The following ZNF836 variants were observed in gnomAD, a reference collection of about 807,000 sequenced individuals.
ZNF836 encodes the protein zinc finger protein 836.
ZNF836 carries 12 observed loss-of-function variants against 7.4 expected under a neutral mutation model. That is an observed-to-expected ratio of 1.61 (90% CI 1.03 to 2.61). The LOEUF is 2.61. Ranked by LOEUF, ZNF836 falls within the 30% of genes most tolerant of loss-of-function variation. The pLI is 0.00. For missense variants in ZNF836, 998 were observed against 1,126.2 expected (o/e 0.89, Z 1.63); for synonymous variants, 365 against 382.6 (o/e 0.95, Z 0.54).
rs953704319 is a variant in ZNF836, at chr19:52,161,653, A to G, written c.16-1062T>C. 1.7e-5 allele frequency among the ~76,000 whole-genome samples: 1 copy of G among 59,128 alleles called. No individual in the cohort carries two copies. Among genetic ancestry groups the G allele is most frequent in the Non-Finnish European group, 2.7e-5 (1 of 36,676 alleles). The allele number at this position is 59,128 out of a possible 152,430, so 38.8% of individuals were successfully genotyped here. A position where few individuals can be genotyped will look rare whatever the true frequency, so the allele number is the denominator to read the frequency against. On this transcript the variant is annotated intron_variant, in intron 3 of 4. Coordinates refer to ENST00000682614, the MANE Select transcript of ZNF836 (RefSeq NM_001102657.3). This position sits in a 1 kb window ranked among gnomAD's most constrained non-coding sequence, Gnocchi z 4.1. ...AGTTTCAACATGAATTGTGGAGGAG[A>G]AAAAAAAAAAAAACTCAGACTGTAA... is the stretch of plus-strand genomic sequence containing the variant.
Position 52,158,520 on chromosome 19 carries a change from G to A in ZNF836, c.143-980C>T, listed in dbSNP as rs567873388. Among the ~76,000 whole-genome samples the A allele has an allele frequency of 4.6e-5, 7 of 152,158 alleles. No homozygotes were observed. The South Asian group carries it at 1.5e-3, about 32-fold the overall frequency. On this transcript the variant is annotated intron_variant, in intron 4 of 4. Transcript: ENST00000682614. ...AGCACTTTGGGAGGCTGAGGTGGGT[G>A]GATCATGAGGTCAGGAGTTCGAGAC...
chr19:52,157,893 G>C (rs1295252952), intron 4 of ZNF836, among the ~76,000 whole-genome samples: 1 of 151,756 alleles, frequency 6.6e-6, no homozygotes, highest in Non-Finnish European at 1.5e-5. Flanking sequence ...AAAATAACTA[G>C]TATTATTTGT....
At chr19:52,170,082 A>G (rs1600145850) in intron 1 of ZNF836, among the ~76,000 whole-genome samples, 1 of 152,158 alleles carries the variant, frequency 6.6e-6, no homozygotes, top group African/African-American at 2.4e-5. Context: ...GAATATTACA[A>G]CCACCATCCA....
chr19:52,169,901 A>T (rs1284666735), intron 1 of ZNF836, 120 bp from the exon 2 acceptor site: 2 of 152,208 alleles, frequency 1.3e-5, no homozygotes, highest in Non-Finnish European at 2.9e-5. Flanking sequence ...GAAAAGAGTT[A>T]CCACGAATGA....
chr19:52,157,641 G>A, intron 4 of ZNF836, 101 bp from the exon 5 acceptor site: 2 of 1,159,574 alleles, frequency 1.7e-6, no homozygotes, highest in East Asian at 5.7e-5. Flanking sequence ...CACAATCTCA[G>A]CTCACTGTGA....
In ZNF836 at chr19:52,156,082, A is replaced by C. The variant is rs779991027; in HGVS notation, c.1601T>G (p.Val534Gly). The change falls in exon 5 of 5, where the codon GTC becomes GGC. Residue 534 changes from valine (V) to glycine (G), a missense_variant. Transcript: ENST00000682614. ...KRYQCGECGK[V>G]FSENSCLVRH... is the part of the protein sequence containing the mutation. ...TACAAGGCATGAATTTTCACTAAAG[A>C]CCTTTCCACATTCACCGCATTGGTA... The C allele has an allele frequency of 1.9e-6, 3 of 1,614,000 alleles. No individual in the cohort carries two copies. Among genetic ancestry groups the C allele is most frequent in the East Asian group, 4.5e-5 (2 of 44,876 alleles).
At position 52,157,551 on chromosome 19, in the gene ZNF836, T is replaced by G. The variant is rs189622832; in HGVS notation, c.143-11A>C. On this transcript the variant is annotated splice_polypyrimidine_tract_variant and intron_variant, in intron 4 of 4. Transcript: ENST00000682614. ...ATTTAGGAAGGATACCTACAAAATA[T>G]AATGAACATGGGAGTTTTTTCGTTG... 125 of 1,478,912 alleles carry G rather than the reference T, an allele frequency of 8.5e-5. No homozygotes were observed. The highest frequency in any genetic ancestry group is 1.5e-4 in the Admixed American group (5 of 34,116). The allele number at this position is 1,478,912 out of a possible 1,614,324, so 91.6% of individuals were successfully genotyped here.
intron 3 of ZNF836, among the ~76,000 whole-genome samples, chr19:52,166,612 C>A (rs1600143808): frequency 7.2e-6 from 1 of 139,314 alleles, no homozygotes. Flanking sequence ...CTCGCTCTGT[C>A]GCCCAGGCTG....
rs954985501 is a variant in ZNF836, at chr19:52,168,100, C to A, written c.-28G>T. On this transcript the variant is annotated 5_prime_UTR_variant, in exon 3 of 5. Coordinates refer to ENST00000682614, the MANE Select transcript of ZNF836 (RefSeq NM_001102657.3). ...CTGACTCCTTTTCTTTCCTCTTCTT[C>A]CTCTTCTGGGCTTCTCTCTCAGTCA... The A allele has an allele frequency of 6.2e-7, 1 of 1,611,526 alleles. No homozygotes were observed. The highest frequency in any genetic ancestry group is 1.1e-5 in the South Asian group (1 of 90,818).
rs1348476360 is a variant in ZNF836, at chr19:52,154,687, A to G, written c.*185T>C. On this transcript the variant is annotated 3_prime_UTR_variant, in exon 5 of 5. Transcript: ENST00000682614. ...AAAGCAAAACAAACAAAAAAACAAG[A>G]TCTCACCAGAACTCACTATCCCAAG... is the stretch of plus-strand genomic sequence containing the variant. 1 of 484,542 alleles carries G rather than the reference A, an allele frequency of 2.1e-6. No individual in the cohort carries two copies. Among genetic ancestry groups the G allele is most frequent in the Non-Finnish European group, 3.5e-6 (1 of 287,004 alleles). 30.0% of individuals were successfully genotyped at this position (484,542 alleles called of 1,614,324 possible). A position where few individuals can be genotyped will look rare whatever the true frequency, so the allele number is the denominator to read the frequency against.
chr19:52,164,050 AG>A (rs148095264), intron 3 of ZNF836, among the ~76,000 whole-genome samples: 2,277 of 135,806 alleles, frequency 0.017, 56 homozygotes, highest in African/African-American at 0.055. Context: ...GAAGGAAGGG[AG>A]GGAGGGAGGG....
rs1481906917 is a variant in ZNF836 at position 52,157,356 on chromosome 19, A to T, written c.327T>A (p.Tyr109Ter). 1.2e-6 allele frequency: 2 copies of T among 1,607,372 alleles called. No homozygotes were observed. Among genetic ancestry groups the T allele is most frequent in the East Asian group, 2.2e-5 (1 of 44,856 alleles). Residue 109 changes from tyrosine (Y) to a stop codon, truncating the protein, a stop_gained, in exon 5 of 5, where the codon TAT becomes TAA. Transcript: ENST00000682614. LOFTEE classifies it low-confidence loss of function (END_TRUNC). ...TTTTATAGGTCATTGGCACTTCTTT[A>T]TAATTTATTTCACCATCTTTCCATT... ...EFQWKDGEINYKEVPMTYKNN... is the reference protein window; with the variant it reads ...EFQWKDGEIN
At position 52,155,283 on chromosome 19, in the gene ZNF836, A is replaced by G; in HGVS notation, c.2400T>C (p.His800=). Residue 800 remains histidine (H), a synonymous_variant, in exon 5 of 5, where the codon CAT becomes CAC. Coordinates refer to ENST00000682614, the MANE Select transcript of ZNF836 (RefSeq NM_001102657.3). ...QSTLARHRSI[H]TGEKPYVCNE... Reference sequence around the variant, plus strand: ...TACACACGTAAGGTTTCTCTCCAGTATGAATACTCCGATGACGTGCTAGTG... The same window carrying G: ...TACACACGTAAGGTTTCTCTCCAGTGTGAATACTCCGATGACGTGCTAGTG... 1.2e-6 allele frequency: 2 copies of G among 1,613,874 alleles called. No homozygotes were observed. The highest frequency in any genetic ancestry group is 1.1e-5 in the South Asian group (1 of 91,072).
chr19:52,155,591 C>G lies in ZNF836; in HGVS notation c.2092G>C (p.Glu698Gln), dbSNP rs1318972498. ...HTGEKPYNCN[E>Q]FGGAFIQSSK... Reference sequence around the variant, plus strand: ...CTTTGGATAAATGCCCCTCCAAACTCATTACAATTGTAAGGTTTCTCTCCA... The same window carrying G: ...CTTTGGATAAATGCCCCTCCAAACTGATTACAATTGTAAGGTTTCTCTCCA... The change falls in exon 5 of 5, where the codon GAG becomes CAG. Residue 698 changes from glutamate to glutamine, a missense_variant. Coordinates refer to ENST00000682614, the MANE Select transcript of ZNF836 (RefSeq NM_001102657.3). The G allele has an allele frequency of 6.2e-7, 1 of 1,614,010 alleles. No individual in the cohort carries two copies. Among genetic ancestry groups the G allele is most frequent in the Non-Finnish European group, 8.5e-7 (1 of 1,179,898 alleles).
rs756158852 is a variant in ZNF836, at chr19:52,155,760, G to A, written c.1923C>T (p.Asn641=). The change falls in exon 5 of 5, where the codon AAC becomes AAT. Residue 641 remains asparagine (N), a synonymous_variant. Transcript: ENST00000682614. ...IHTGEKPFQC[N]ECGKVFSYYS... is the part of the protein sequence containing the mutation. ...AGTAACTGAAAACCTTGCCGCATTCGTTACATTGAAACGGCTTCTCTCCAG... is the reference window on the plus strand; with the variant it reads ...AGTAACTGAAAACCTTGCCGCATTCATTACATTGAAACGGCTTCTCTCCAG... The A allele has an allele frequency of 5.5e-5, 88 of 1,613,620 alleles. No homozygotes were observed. Among genetic ancestry groups the A allele is most frequent in the Non-Finnish European group, 6.4e-5 (76 of 1,179,896 alleles).
At position 52,160,700 on chromosome 19, in the gene ZNF836, ATC is replaced by A. The variant is rs1275128674; in HGVS notation, c.16-111_16-110del. On this transcript the variant is annotated intron_variant, in intron 3 of 4. Coordinates refer to ENST00000682614, the MANE Select transcript of ZNF836 (RefSeq NM_001102657.3). ...TCAATTTGATTGTGTGTTTTCACAT[ATC>A]CATGCAAGGCATCTGTGAGAAGGTT... 4 of 1,376,752 alleles carry A rather than the reference ATC, an allele frequency of 2.9e-6. No individual in the cohort carries two copies. In the African/African-American group the frequency reaches 5.9e-5, roughly 20 times the overall value. 85.3% of individuals were successfully genotyped at this position (1,376,752 alleles called of 1,614,324 possible).
chr19:52,164,444 AG>A (rs1173551680), intron 3 of ZNF836, among the ~76,000 whole-genome samples: 7 of 134,114 alleles, frequency 5.2e-5, no homozygotes, highest in South Asian at 2.3e-4. Context: ...AGAGAGAGAG[AG>A]AGAAAAGGAA....
intron 3 of ZNF836, among the ~76,000 whole-genome samples, chr19:52,162,971 T>G (rs574927644): frequency 6.6e-6 from 1 of 152,294 alleles, no homozygotes; most frequent in Non-Finnish European, 1.5e-5. Flanking sequence ...TGGTGGCTGG[T>G]CCGCACCTGG....
At chr19:52,169,864 C>G (rs1324412117) in intron 1 of ZNF836, 83 bp from the exon 2 acceptor site, 1 of 151,556 alleles carries the variant, frequency 6.6e-6, no homozygotes, top group African/African-American at 2.4e-5. Flanking sequence ...TTCTCAGTTA[C>G]TCTATCCTCT....
Sources: allele counts gnomAD v4.1 joint callset (sites outside exome capture counted in the v4.1 genomes callset), GRCh38; gene constraint gnomAD v4.1.1; non-coding constraint Gnocchi (gnomAD v3.1); transcripts MANE v1.5; gene names NCBI Gene and HGNC (gene_info 2026-07-23, HGNC 2026-07-21).